VPS53: variants seen among roughly 807,000 people sequenced by gnomAD.
VPS53 encodes the protein VPS53 subunit of GARP complex, also known as vacuolar protein sorting-associated protein 53 homolog.
A neutral mutation model predicts 107.0 loss-of-function variants in VPS53; 70 were observed. That is an observed-to-expected ratio of 0.65 (90% CI 0.54 to 0.80). The LOEUF is 0.80. Among genes scored for constraint, VPS53 ranks in the 30% least tolerant of loss-of-function variants. The pLI is 0.00. For synonymous variants in VPS53, 409 were observed against 393.3 expected, an observed-to-expected ratio of 1.04 and a Z score of -0.47; for missense variants, 917 against 1,049.4, an observed-to-expected ratio of 0.87 and a Z score of 1.74.
intron 4 of VPS53, among the ~76,000 whole-genome samples, chr17:678,018 G>A (rs2042384117): frequency 6.6e-6 from 1 of 152,160 alleles, no homozygotes; most frequent in Non-Finnish European, 1.5e-5. Context: ...CTACTCAGGA[G>A]GCTGAGGTGG....
intron 15 of VPS53, among the ~76,000 whole-genome samples, chr17:556,824 C>T (rs562383155): frequency 2.6e-4 from 26 of 101,938 alleles, no homozygotes; most frequent in East Asian, 1.7e-3. Flanking sequence ...GACGTAACTT[C>T]GGTTTTGTGG....
At chr17:711,006 G>A (rs1260281684) in intron 1 of VPS53, among the ~76,000 whole-genome samples, 5 of 152,152 alleles carry the variant, frequency 3.3e-5, no homozygotes, top group Non-Finnish European at 7.3e-5. Flanking sequence ...GAGCTCAGGA[G>A]TTGGAGACTG....
At chr17:670,482 G>A (rs912854191) in intron 4 of VPS53, among the ~76,000 whole-genome samples, 8 of 152,198 alleles carry the variant, frequency 5.3e-5, no homozygotes, top group South Asian at 2.1e-4. Flanking sequence ...AGGAGGTCAC[G>A]TGTGGAAGAT....
intron 11 of VPS53, among the ~76,000 whole-genome samples, chr17:614,580 C>T (rs1219179115): frequency 6.6e-6 from 1 of 152,152 alleles, no homozygotes; most frequent in East Asian, 1.9e-4. Flanking sequence ...GTGCATGAGG[C>T]GGGGGAATCT....
intron 7 of VPS53, among the ~76,000 whole-genome samples, chr17:648,729 T>C (rs1213052140): frequency 8.9e-5 from 13 of 145,316 alleles, no homozygotes; most frequent in East Asian, 2.1e-4. Flanking sequence ...GAACAGGCAC[T>C]GAAGATCTTA....
chr17:637,935 G>A (rs556222046), intron 7 of VPS53, among the ~76,000 whole-genome samples: 17 of 152,282 alleles, frequency 1.1e-4, no homozygotes, highest in East Asian at 1.9e-4. Context: ...TATTAGGTCC[G>A]TTTGGTGCAC....
Position 518,942 on chromosome 17 carries a change from C to T in VPS53, c.*186G>A. On this transcript the variant is annotated 3_prime_UTR_variant, in exon 22 of 22. Transcript: ENST00000437048. The stretch of plus-strand genomic sequence containing the variant: ...TCGCCCTCTTAGAGCCCAGCCCTTA[C>T]TCAGCGTCTCCGATTAGGGCAGGAA... 1 of 610,376 alleles carries T rather than the reference C, an allele frequency of 1.6e-6. No individual in the cohort carries two copies. The highest frequency in any genetic ancestry group is 2.6e-6 in the Non-Finnish European group (1 of 380,260). 37.8% of individuals were successfully genotyped at this position (610,376 alleles called of 1,614,324 possible). A position where few individuals can be genotyped will look rare whatever the true frequency, so the allele number is the denominator to read the frequency against.
intron 5 of VPS53, chr17:656,975 G>C: frequency 1.1e-6 from 1 of 937,312 alleles, no homozygotes. Context: ...CACGTCAGAA[G>C]ATCCCGGGTA....
chr17:584,189 T>G (rs1967198404), intron 13 of VPS53, among the ~76,000 whole-genome samples: 1 of 152,228 alleles, frequency 6.6e-6, no homozygotes, highest in South Asian at 2.1e-4. Context: ...GAGTGCGTTC[T>G]TTAGACTGTG....
At chr17:643,626 G>A (rs576062010) in intron 7 of VPS53, among the ~76,000 whole-genome samples, 25 of 149,720 alleles carry the variant, frequency 1.7e-4, no homozygotes, top group Admixed American at 1.3e-3. Context: ...CTTGGAAACC[G>A]AGGACAACAC....
At chr17:662,253 T>C (rs548127357) in intron 4 of VPS53, among the ~76,000 whole-genome samples, 56 of 152,260 alleles carry the variant, frequency 3.7e-4, no homozygotes, top group African/African-American at 1.2e-3. Flanking sequence ...TAGCTCTAAA[T>C]TGGGGCAAGG....
intron 4 of VPS53, among the ~76,000 whole-genome samples, chr17:665,311 A>G (rs1015360359): frequency 6.6e-6 from 1 of 152,216 alleles, no homozygotes; most frequent in African/African-American, 2.4e-5. Context: ...GGGACGACGC[A>G]GTGAGAAAGC....
intron 11 of VPS53, among the ~76,000 whole-genome samples, chr17:619,869 C>T (rs1368293538): frequency 1.4e-5 from 2 of 139,972 alleles, no homozygotes; most frequent in Non-Finnish European, 3.1e-5. Flanking sequence ...TACAGGCGTG[C>T]ACCACCACGC....
intron 19 of VPS53, chr17:532,633 G>T: frequency 7.6e-7 from 1 of 1,311,286 alleles, no homozygotes; most frequent in Non-Finnish European, 1.0e-6. Context: ...GTTATACCCT[G>T]CACCCAGAAC....
chr17:667,914 G>T (rs143872031), intron 4 of VPS53, among the ~76,000 whole-genome samples: 59 of 152,190 alleles, frequency 3.9e-4, no homozygotes, highest in Non-Finnish European at 6.5e-4. Flanking sequence ...CACACGCGAG[G>T]GATCTAGGTT....
At chr17:592,857 T>TA (rs1967740601) in intron 12 of VPS53, among the ~76,000 whole-genome samples, 1 of 152,190 alleles carries the variant, frequency 6.6e-6, no homozygotes, top group South Asian at 2.1e-4. Context: ...ATCTGACAAT[T>TA]ATGTGTCTTG....
intron 2 of VPS53, among the ~76,000 whole-genome samples, chr17:702,956 A>G (rs2143960528): frequency 6.6e-6 from 1 of 152,370 alleles, no homozygotes; most frequent in South Asian, 2.1e-4. Context: ...CTGTAATCCC[A>G]ACACTTTGGG....
intron 5 of VPS53, chr17:657,054 C>T (rs185682759): frequency 2.1e-5 from 19 of 892,202 alleles, no homozygotes; most frequent in Non-Finnish European, 3.1e-5. Flanking sequence ...TATGGCTTGC[C>T]AGTGTCGAAC....
At chr17:620,875 T>C (rs191906928) in intron 11 of VPS53, among the ~76,000 whole-genome samples, 328 of 152,226 alleles carry the variant, frequency 2.2e-3, no homozygotes, top group African/African-American at 7.5e-3. Flanking sequence ...CTCAAAGTGC[T>C]GGGATTATAG....
Sources: gnomAD v4.1 joint callset for allele counts (sites outside exome capture counted in the v4.1 genomes callset) on GRCh38, gnomAD v4.1.1 for gene constraint, MANE v1.5 for transcripts, NCBI Gene and HGNC (gene_info 2026-07-23, HGNC 2026-07-21) for gene names.